MYO16: variants seen among roughly 807,000 people sequenced by gnomAD.
MYO16 encodes myosin XVI.
Under a neutral mutation model 205.3 loss-of-function variants are expected in MYO16, and 94 were observed. That is an observed-to-expected ratio of 0.46 (90% confidence interval 0.39 to 0.54). The LOEUF is 0.54. MYO16 is among the 20% of genes least tolerant of loss of function. MYO16 has a pLI of 0.00. For synonymous variants in MYO16, 988 were observed against 954.0 expected (o/e 1.04, Z -0.66); for missense variants, 2,315 against 2,387.5 (o/e 0.97, Z 0.63).
intron 32 of MYO16, among the ~76,000 whole-genome samples, chr13:109,147,861 A>C: frequency 6.6e-6 from 1 of 152,148 alleles, no homozygotes; most frequent in Admixed American, 6.5e-5. Context: ...CCAAACGAGT[A>C]AGTCCTTTGG....
chr13:109,015,482 G>C (rs1380900122), intron 22 of MYO16, among the ~76,000 whole-genome samples: 1 of 152,170 alleles, frequency 6.6e-6, no homozygotes, highest in Non-Finnish European at 1.5e-5. Context: ...CTCATCAAAT[G>C]AGTTATGGTG....
At position 108,769,887 on chromosome 13, in the gene MYO16, A is replaced by G. The variant is rs150485054; in HGVS notation, c.508-15748A>G. 4.8e-3 allele frequency among the ~76,000 whole-genome samples: 735 copies of G among 152,322 alleles called. 5 individuals are homozygous for G. Among genetic ancestry groups the G allele is most frequent in the African/African-American group, 0.017 (701 of 41,570 alleles). ...GTATTAAGCACCCTAATAATTTTATATGATTTGGTATAATAGTAATTCTAG... is the reference window on the plus strand; with the variant it reads ...GTATTAAGCACCCTAATAATTTTATGTGATTTGGTATAATAGTAATTCTAG... On this transcript the variant is annotated intron_variant, in intron 4 of 34. Coordinates refer to ENST00000457511, the MANE Select transcript of MYO16 (RefSeq NM_001198950.3).
intron 2 of MYO16, among the ~76,000 whole-genome samples, chr13:108,699,905 A>G (rs1456509659): frequency 6.6e-6 from 1 of 152,142 alleles, no homozygotes; most frequent in African/African-American, 2.4e-5. Flanking sequence ...TTTTTAAGAT[A>G]ATGGGGGAGA....
chr13:108,806,649 A>G (rs1241658660), intron 6 of MYO16, 30 bp from the exon 7 acceptor site: 1 of 1,605,600 alleles, frequency 6.2e-7, no homozygotes, highest in Admixed American at 1.7e-5. Context: ...ACTTTAAAAA[A>G]ATGAATAATA....
intron 34 of MYO16, among the ~76,000 whole-genome samples, chr13:109,185,196 G>T (rs1879632384): frequency 6.6e-6 from 1 of 152,082 alleles, no homozygotes; most frequent in African/African-American, 2.4e-5. Context: ...GAAACATTTG[G>T]CTAACTATAA....
intron 10 of MYO16, among the ~76,000 whole-genome samples, chr13:108,849,028 C>T (rs546598658): frequency 6.6e-6 from 1 of 152,122 alleles, no homozygotes; most frequent in South Asian, 2.1e-4. Flanking sequence ...TTAAGAAACA[C>T]TTGGCAGAAT....
Position 108,793,582 on chromosome 13 carries a change from A to G in MYO16, c.683A>G (p.Lys228Arg), listed in dbSNP as rs1594298442. 2 of 1,613,932 alleles carry G rather than the reference A, an allele frequency of 1.2e-6. No homozygotes were observed. Among genetic ancestry groups the G allele is most frequent in the Non-Finnish European group, 1.7e-6 (2 of 1,179,832 alleles). Residue 228 changes from lysine to arginine, a missense_variant, in exon 6 of 35, where the codon AAA becomes AGA. Transcript: ENST00000457511. ...CCAATGAGTATGTTAACAGATGTCA[A>G]ACACTTCTTATCATCTGGAGGAAAT... ...QRPMSMLTDV[K>R]HFLSSGGNVN...
At chr13:109,021,551 A>G (rs1886022398) in intron 23 of MYO16, among the ~76,000 whole-genome samples, 1 of 152,170 alleles carries the variant, frequency 6.6e-6, no homozygotes, top group Non-Finnish European at 1.5e-5. Flanking sequence ...GGTGGAAGCT[A>G]AAGAGCAACT....
At chr13:108,984,871 T>C (rs1884575070) in intron 20 of MYO16, among the ~76,000 whole-genome samples, 3 of 152,218 alleles carry the variant, frequency 2.0e-5, no homozygotes. Context: ...TAAAGATCAC[T>C]GGGCTAACTT....
chr13:108,842,654 G>A (rs1877305919), intron 9 of MYO16, among the ~76,000 whole-genome samples: 1 of 152,086 alleles, frequency 6.6e-6, no homozygotes, highest in African/African-American at 2.4e-5. Flanking sequence ...CACTGTTTGT[G>A]GGGATGCAAA....
rs186933722 is a variant in MYO16, at chr13:108,996,793, G to A, written c.2442+4345G>A. On this transcript the variant is annotated intron_variant, in intron 21 of 34. Transcript: ENST00000457511. ...ATGAGAAAAATTTAAGATTATATAA[G>A]TGTTACTATAATAAATGATAGAATT... is the stretch of plus-strand genomic sequence containing the variant. Among the ~76,000 whole-genome samples, 5 of 152,268 alleles carry A rather than the reference G, an allele frequency of 3.3e-5. No homozygotes were observed. The East Asian group carries it at 7.7e-4, about 24-fold the overall frequency.
chr13:109,175,954 A>T (rs948535951), intron 33 of MYO16, among the ~76,000 whole-genome samples: 19 of 141,620 alleles, frequency 1.3e-4, no homozygotes, highest in Non-Finnish European at 2.0e-4. Context: ...TTGCTATGTT[A>T]AAAAAAAAAA....
Position 108,823,130 on chromosome 13 carries a change from G to T in MYO16, c.949G>T (p.Ala317Ser). ...NCNEEKASDI[A>S]ASEFIEEMLL... ...TTCTTATTTTTTTCTTGTAGATATT[G>T]CTGCCTCTGAGTTTATTGAGGAAAT... is the stretch of plus-strand genomic sequence containing the variant. The change falls in exon 9 of 35, where the codon GCT (alanine) becomes TCT (serine). Residue 317 changes from alanine (A) to serine (S), a missense_variant. By Grantham distance (99) the Ala-to-Ser change is moderately conservative (BLOSUM62 1). Transcript: ENST00000457511. 1.2e-6 allele frequency: 2 copies of T among 1,608,330 alleles called. No homozygotes were observed.
In MYO16 at chr13:108,719,743, A is replaced by G. The variant is rs143584628; in HGVS notation, c.363+7012A>G. Among the ~76,000 whole-genome samples the G allele has an allele frequency of 1.9e-3, 288 of 152,268 alleles. 2 individuals are homozygous for G. Among genetic ancestry groups the G allele is most frequent in the Middle Eastern group, 0.017 (5 of 294 alleles). On this transcript the variant is annotated intron_variant, in intron 3 of 34. Transcript: ENST00000457511. ...TCAATTATCCAATTCCTATCAGGCT[A>G]TTAGGTACCTTCTGCTGTGACTCCA...
chr13:108,869,546 A>G (rs1174699253), intron 12 of MYO16, among the ~76,000 whole-genome samples: 1 of 142,954 alleles, frequency 7.0e-6, no homozygotes, highest in Non-Finnish European at 1.5e-5. Flanking sequence ...AACACGATGA[A>G]ACCCCGTCTC....
chr13:108,542,477 TA>T, the MYO16 span, among the ~76,000 whole-genome samples: 4 of 152,184 alleles, frequency 2.6e-5, no homozygotes. Context: ...AAATAAAAGT[TA>T]AAATATTTTT....
In MYO16 at chr13:108,869,484, G is replaced by A. The variant is rs1289231577; in HGVS notation, c.1425+3242G>A. Among the ~76,000 whole-genome samples the A allele has an allele frequency of 3.3e-5, 5 of 151,808 alleles. No homozygotes were observed. The South Asian group carries it at 8.3e-4, about 25-fold the overall frequency. The stretch of plus-strand genomic sequence containing the variant: ...TCACTCCTGTAATCCCAGCACTTTG[G>A]GAGGCCGAGGCGGGCGAATCACGAG... On this transcript the variant is annotated intron_variant, in intron 12 of 34. Coordinates refer to ENST00000457511, the MANE Select transcript of MYO16 (RefSeq NM_001198950.3).
chr13:109,049,667 C>A lies in MYO16; in HGVS notation c.2873-2633C>A, dbSNP rs527657765. Among the ~76,000 whole-genome samples, 3 of 152,014 alleles carry A rather than the reference C, an allele frequency of 2.0e-5. No individual in the cohort carries two copies. In the South Asian group the frequency reaches 6.2e-4, roughly 32 times the overall value. On this transcript the variant is annotated intron_variant, in intron 24 of 34. Coordinates refer to ENST00000457511, the MANE Select transcript of MYO16 (RefSeq NM_001198950.3). ...TCTCAATTATAAGAATAAAATGTTG[C>A]ATTGCTTATCTGTGGGTTCACTTAT...
intron 4 of MYO16, among the ~76,000 whole-genome samples, chr13:108,766,442 C>T (rs540466462): frequency 2.6e-5 from 4 of 152,274 alleles, no homozygotes; most frequent in Middle Eastern, 3.4e-3. Context: ...GTCATCTGAG[C>T]TTTGGGAAAA....
Sources: gnomAD v4.1 joint callset for allele counts (sites outside exome capture counted in the v4.1 genomes callset) on GRCh38, gnomAD v4.1.1 for gene constraint, MANE v1.5 for transcripts, NCBI Gene and HGNC (gene_info 2026-07-23, HGNC 2026-07-21) for gene names.